RHBDD1: variants seen among roughly 807,000 people sequenced by gnomAD.
The protein encoded by RHBDD1 is rhomboid domain containing 1.
RHBDD1 carries 38 observed loss-of-function variants against 36.3 expected under a neutral mutation model. The observed-to-expected ratio is 1.05, with a 90% confidence interval of 0.81 to 1.37. RHBDD1 has a LOEUF of 1.37. Among genes scored for constraint, RHBDD1 ranks in the 40% most tolerant of loss-of-function variants. The pLI is 0.00. For synonymous variants in RHBDD1, 151 were observed against 136.5 expected (o/e 1.11, Z -0.74); for missense variants, 393 against 377.6 (o/e 1.04, Z -0.34).
At chr2:226,973,593 T>C (rs953778342) in intron 8 of RHBDD1, among the ~76,000 whole-genome samples, 2 of 152,232 alleles carry the variant, frequency 1.3e-5, no homozygotes, top group African/African-American at 4.8e-5. Context: ...CTAGTCCCCT[T>C]AGCAAGGACC....
chr2:226,855,421 T>C (rs1216656468), intron 3 of RHBDD1, among the ~76,000 whole-genome samples: 1 of 152,194 alleles, frequency 6.6e-6, no homozygotes, highest in Non-Finnish European at 1.5e-5. Context: ...GGAGGACCAC[T>C]TGAGCCTAGG....
chr2:226,937,499 G>A (rs977525295), intron 8 of RHBDD1, among the ~76,000 whole-genome samples: 5 of 151,868 alleles, frequency 3.3e-5, no homozygotes, highest in East Asian at 3.9e-4. Flanking sequence ...ATATGTAAAC[G>A]TGTGTCATGG....
intron 1 of RHBDD1, among the ~76,000 whole-genome samples, chr2:226,836,627 CTTAT>C (rs902809588): frequency 3.9e-5 from 6 of 152,156 alleles, no homozygotes; most frequent in African/African-American, 9.7e-5. Context: ...GGATCACAGC[CTTAT>C]TTGTTTTTCT....
intron 3 of RHBDD1, among the ~76,000 whole-genome samples, chr2:226,845,648 T>C (rs577833858): frequency 2.6e-5 from 4 of 152,326 alleles, no homozygotes; most frequent in Admixed American, 6.5e-5. Context: ...CTTCTGTTTG[T>C]TGGGAATGTG....
intron 8 of RHBDD1, among the ~76,000 whole-genome samples, chr2:226,930,601 A>G (rs1410963251): frequency 6.6e-6 from 1 of 152,058 alleles, no homozygotes; most frequent in Non-Finnish European, 1.5e-5. Flanking sequence ...TATGACTAAG[A>G]CCCCAAAAGC....
Position 226,849,558 on chromosome 2 carries a change from G to T in RHBDD1, c.-91+9931G>T, listed in dbSNP as rs143783053. Reference sequence around the variant, plus strand: ...CCCCTTGCCCTTAGGGGGCATTCCAGCAGGCTTCTAGCCTCCAGACCCTGC... The same window carrying T: ...CCCCTTGCCCTTAGGGGGCATTCCATCAGGCTTCTAGCCTCCAGACCCTGC... On this transcript the variant is annotated intron_variant, in intron 3 of 8. Transcript: ENST00000392062. Among the ~76,000 whole-genome samples, 174 of 152,330 alleles carry T rather than the reference G, an allele frequency of 1.1e-3. 6 individuals carry two copies. In the East Asian group the frequency reaches 0.025, roughly 22 times the overall value.
chr2:226,905,955 C>A (rs1948020050), intron 5 of RHBDD1, among the ~76,000 whole-genome samples: 1 of 152,020 alleles, frequency 6.6e-6, no homozygotes, highest in African/African-American at 2.4e-5. Context: ...GCTTAAAGAA[C>A]AACTCGTTGT....
At position 226,914,548 on chromosome 2, in the gene RHBDD1, A is replaced by C. The variant is rs193030671; in HGVS notation, c.856+197A>C. 2.4e-4 allele frequency: 124 copies of C among 509,530 alleles called. 1 individual carries two copies. In the East Asian group the frequency reaches 3.6e-3, roughly 15 times the overall value. The allele number at this position is 509,530 out of a possible 1,614,324, so 31.6% of individuals were successfully genotyped here. ...CAGCAACCTAAGCTAATAAGGTGCC[A>C]GACTGTGTATGTATTGTTAAAGTGG... On this transcript the variant is annotated intron_variant, in intron 8 of 8. Transcript: ENST00000392062.
At chr2:226,914,838 C>A (rs994452240) in intron 8 of RHBDD1, among the ~76,000 whole-genome samples, 13 of 152,090 alleles carry the variant, frequency 8.5e-5, no homozygotes, top group African/African-American at 3.1e-4. Context: ...GTGTTTTGAA[C>A]AGGCTTTCCA....
rs967999675 is a variant in RHBDD1, at chr2:226,982,646, G to A, written c.857-12785G>A. On this transcript the variant is annotated intron_variant, in intron 8 of 8. Coordinates refer to ENST00000392062, the MANE Select transcript of RHBDD1 (RefSeq NM_001167608.3). ...CTGAATTGTGTTCCAAAGTATATGA[G>A]TTTGTAGCCCCCACTCACCTGTTCC... is the stretch of plus-strand genomic sequence containing the variant. Among the ~76,000 whole-genome samples, 6 of 152,200 alleles carry A rather than the reference G, an allele frequency of 3.9e-5. 1 individual carries two copies. The highest frequency in any genetic ancestry group is 4.1e-4 in the South Asian group (2 of 4,832).
At chr2:226,971,362 C>T (rs1953457137) in intron 8 of RHBDD1, among the ~76,000 whole-genome samples, 2 of 152,154 alleles carry the variant, frequency 1.3e-5, no homozygotes, top group Non-Finnish European at 2.9e-5. Flanking sequence ...ACGTCTGAAC[C>T]CTTAGCGGGC....
chr2:226,898,102 C>T (rs1947275661), intron 5 of RHBDD1, among the ~76,000 whole-genome samples: 1 of 152,196 alleles, frequency 6.6e-6, no homozygotes, highest in Admixed American at 6.5e-5. Flanking sequence ...GAGATCTGCC[C>T]TCATGACCCA....
chr2:226,842,217 A>C (rs1269572763), intron 3 of RHBDD1, among the ~76,000 whole-genome samples: 1 of 151,974 alleles, frequency 6.6e-6, no homozygotes, highest in Non-Finnish European at 1.5e-5. Flanking sequence ...AGACTGTAAA[A>C]ATTTTCTCCC....
intron 6 of RHBDD1, chr2:226,908,440 T>C: frequency 5.1e-6 from 1 of 194,350 alleles, no homozygotes; most frequent in Admixed American, 5.4e-5. Context: ...AGGATGGCTC[T>C]CCTAACACCT....
upstream of RHBDD1, among the ~76,000 whole-genome samples, chr2:226,833,964 T>C (rs988066011): frequency 2.0e-5 from 3 of 152,196 alleles, no homozygotes; most frequent in Admixed American, 6.5e-5. Context: ...TTTTAAAAGG[T>C]AGATATTTTT....
chr2:226,829,495 T>C, the RHBDD1 span, among the ~76,000 whole-genome samples: 1 of 152,218 alleles, frequency 6.6e-6, no homozygotes, highest in Non-Finnish European at 1.5e-5. Context: ...GCTTCCATTC[T>C]ATGAATGTGA....
Position 226,965,026 on chromosome 2 carries a change from A to G in RHBDD1, c.857-30405A>G, listed in dbSNP as rs191850427. On this transcript the variant is annotated intron_variant, in intron 8 of 8. Coordinates refer to ENST00000392062, the MANE Select transcript of RHBDD1 (RefSeq NM_001167608.3). Reference sequence around the variant, plus strand: ...AGAGCATCATAGTGGGTTGAATGTTATCCTCTGAAAGATATGACCACCCAG... The same window carrying G: ...AGAGCATCATAGTGGGTTGAATGTTGTCCTCTGAAAGATATGACCACCCAG... 2.5e-3 allele frequency among the ~76,000 whole-genome samples: 379 copies of G among 152,340 alleles called. 3 individuals carry two copies. Among genetic ancestry groups the G allele is most frequent in the Non-Finnish European group, 4.0e-3 (274 of 68,028 alleles).
chr2:226,956,128 A>G (rs963013208), intron 8 of RHBDD1, among the ~76,000 whole-genome samples: 1 of 152,164 alleles, frequency 6.6e-6, no homozygotes, highest in Non-Finnish European at 1.5e-5. Flanking sequence ...ATTGTGTGCT[A>G]TCAAAGTACC....
At position 226,957,901 on chromosome 2, in the gene RHBDD1, C is replaced by T. The variant is rs138276765; in HGVS notation, c.857-37530C>T. The stretch of plus-strand genomic sequence containing the variant: ...AATTATTTTTAAAGGCAATCTTAGG[C>T]TAGCAAGGATAAAGAGAAATTAGAA... On this transcript the variant is annotated intron_variant, in intron 8 of 8. Transcript: ENST00000392062. Among the ~76,000 whole-genome samples the T allele has an allele frequency of 5.9e-5, 9 of 151,988 alleles. No individual in the cohort carries two copies. In the East Asian group the frequency reaches 7.7e-4, roughly 13 times the overall value.
Sources: gnomAD v4.1 joint callset for allele counts (sites outside exome capture counted in the v4.1 genomes callset) on GRCh38, gnomAD v4.1.1 for gene constraint, MANE v1.5 for transcripts, NCBI Gene and HGNC (gene_info 2026-07-23, HGNC 2026-07-21) for gene names.